The following FARP2 variants were observed in gnomAD, a reference collection of about 807,000 sequenced individuals.
The protein encoded by FARP2 is FERM, ARH/RhoGEF and pleckstrin domain protein 2.
FARP2 carries 111 observed loss-of-function variants against 130.5 expected under a neutral mutation model. The observed-to-expected ratio is 0.85, with a 90% CI of 0.73 to 1.00. The LOEUF is 1.00. FARP2 is among the 50% of genes least tolerant of loss of function. The pLI, the probability that FARP2 is intolerant of heterozygous loss-of-function variation, is 0.00. For missense variants in FARP2, 1,385 were observed against 1,346.3 expected, an observed-to-expected ratio of 1.03 and a Z score of -0.45; for synonymous variants, 504 against 516.9, an observed-to-expected ratio of 0.98 and a Z score of 0.34.
rs534611220 is a variant in FARP2 at position 241,441,316 on chromosome 2, C to T, written c.1171C>T (p.Pro391Ser). The change falls in exon 13 of 27, where the codon CCC becomes TCC. Residue 391 changes from proline (P) to serine (S), a missense_variant. Pro to Ser is a moderately conservative substitution (Grantham distance 74). Coordinates refer to ENST00000264042, the MANE Select transcript of FARP2 (RefSeq NM_014808.4). ...CTTTGGTTCCCAGAGCATCTCATTC[C>T]CCGAGGGATTGAGGACTCCTGCCTC... ...ADLPKQSISF[P>S]EGLRTPASPS... 2.5e-6 allele frequency: 4 copies of T among 1,594,884 alleles called. No individual in the cohort carries two copies. The highest frequency in any genetic ancestry group is 2.2e-5 in the South Asian group (2 of 89,570).
At chr2:241,389,589 T>A (rs1410197518) in intron 2 of FARP2, among the ~76,000 whole-genome samples, 1 of 152,196 alleles carries the variant, frequency 6.6e-6, no homozygotes, top group Non-Finnish European at 1.5e-5. Flanking sequence ...CAACCCAATT[T>A]AAAATCTTAC....
chr2:241,415,410 G>C (rs557843628), intron 7 of FARP2, among the ~76,000 whole-genome samples: 1 of 152,194 alleles, frequency 6.6e-6, no homozygotes, highest in Non-Finnish European at 1.5e-5. Flanking sequence ...TAGGGTTGGG[G>C]ATAGTCTCTC....
intron 1 of FARP2, among the ~76,000 whole-genome samples, chr2:241,362,127 C>T (rs998926919): frequency 6.6e-6 from 1 of 151,968 alleles, no homozygotes; most frequent in African/African-American, 2.4e-5. Flanking sequence ...AAACTCCTGA[C>T]CTCAAGTAAA....
intron 2 of FARP2, among the ~76,000 whole-genome samples, chr2:241,381,918 A>G (rs934733738): frequency 2.0e-5 from 3 of 152,210 alleles, no homozygotes; most frequent in Non-Finnish European, 4.4e-5. Context: ...ATTGGGTTAC[A>G]TGCTGCAGCT....
Position 241,475,780 on chromosome 2 carries a change from C to T in FARP2, c.2132-77C>T. On this transcript the variant is annotated intron_variant, in intron 18 of 26. Coordinates refer to ENST00000264042, the MANE Select transcript of FARP2 (RefSeq NM_014808.4). The surrounding 1 kb of genome is among the most constrained non-coding windows in gnomAD (Gnocchi z 4.4). ...GAACTGCCTTTTAGAATGCTGGTTC[C>T]TGTCACAAGGTGGTGGGTGGAGGGT... 1 of 1,318,422 alleles carries T rather than the reference C, an allele frequency of 7.6e-7. No individual in the cohort carries two copies. The highest frequency in any genetic ancestry group is 1.0e-6 in the Non-Finnish European group (1 of 994,218). The allele number at this position is 1,318,422 out of a possible 1,614,324, so 81.7% of individuals were successfully genotyped here.
At chr2:241,409,708 A>G (rs866099972) in intron 5 of FARP2, among the ~76,000 whole-genome samples, 1 of 152,250 alleles carries the variant, frequency 6.6e-6, no homozygotes, top group Non-Finnish European at 1.5e-5. Flanking sequence ...TTATAAAACA[A>G]TATCAAATGA....
At chr2:241,409,195 G>C (rs575199557) in intron 5 of FARP2, among the ~76,000 whole-genome samples, 1 of 149,230 alleles carries the variant, frequency 6.7e-6, no homozygotes, top group East Asian at 2.0e-4. Flanking sequence ...TATTTATGTG[G>C]AGGATTCTTT....
intron 1 of FARP2, among the ~76,000 whole-genome samples, chr2:241,366,127 A>ATATATATATACATATATATATATACG (rs2061312727): frequency 1.5e-5 from 2 of 136,482 alleles, no homozygotes; most frequent in African/African-American, 2.8e-5. Flanking sequence ...ATATACGTAT[A>ATATATATATACATATATATATATACG]TATATATATA....
At chr2:241,376,426 A>G (rs954004466) in intron 2 of FARP2, among the ~76,000 whole-genome samples, 1 of 152,234 alleles carries the variant, frequency 6.6e-6, no homozygotes, top group Non-Finnish European at 1.5e-5. Flanking sequence ...AAATATTGCC[A>G]GTGTACCAGG....
chr2:241,375,943 C>G (rs541511034), intron 2 of FARP2, among the ~76,000 whole-genome samples: 1 of 152,092 alleles, frequency 6.6e-6, no homozygotes, highest in African/African-American at 2.4e-5. Context: ...TTAGGGAGAG[C>G]TAAAATTCAA....
chr2:241,452,423 A>C (rs572695326), intron 13 of FARP2, among the ~76,000 whole-genome samples: 1 of 152,276 alleles, frequency 6.6e-6, no homozygotes, highest in Non-Finnish European at 1.5e-5. Flanking sequence ...AAGTCTCCCC[A>C]CAGATTTACT....
At position 241,413,331 on chromosome 2, in the gene FARP2, C is replaced by T. The variant is rs201790803; in HGVS notation, c.533C>T (p.Thr178Met). The change falls in exon 7 of 27, where the codon ACG becomes ATG. Residue 178 changes from threonine (T) to methionine (M), a missense_variant. By Grantham distance (81) the Thr-to-Met change is moderately conservative. Transcript: ENST00000264042. ...GCGGAAATAGGAGATTACGATGAAA[C>T]GCTGGACCGAGAGCACCTCAAAGTG... is the stretch of plus-strand genomic sequence containing the variant. Reference protein sequence around the residue: ...LQSEIGDYDETLDREHLKVNE... With the variant: ...LQSEIGDYDEMLDREHLKVNE... The T allele has an allele frequency of 4.2e-5, 67 of 1,610,178 alleles. No individual in the cohort carries two copies. Among genetic ancestry groups the T allele is most frequent in the Non-Finnish European group, 5.4e-5 (64 of 1,178,408 alleles).
intron 4 of FARP2, among the ~76,000 whole-genome samples, chr2:241,407,056 C>G (rs60890112): frequency 0.32 from 48,942 of 152,030 alleles, 8,273 homozygotes; most frequent in Non-Finnish European, 0.39. Flanking sequence ...GATCCGCCCC[C>G]CTCAGCCTCC....
intron 26 of FARP2, chr2:241,493,718 CTGAG>C (rs2065020172): frequency 3.8e-6 from 2 of 519,590 alleles, no homozygotes; most frequent in South Asian, 5.3e-5. Flanking sequence ...CCTCAGCCTC[CTGAG>C]TAACTGAGAT....
chr2:241,385,077 A>G (rs1559719583), intron 2 of FARP2, among the ~76,000 whole-genome samples: 1 of 152,242 alleles, frequency 6.6e-6, no homozygotes, highest in Non-Finnish European at 1.5e-5. Context: ...AAGCAAAAAC[A>G]ACCATCTTGC....
chr2:241,479,039 G>A (rs2064547625), intron 19 of FARP2: 1 of 539,758 alleles, frequency 1.9e-6, no homozygotes, highest in African/African-American at 2.0e-5. Flanking sequence ...TCTTTCCCAA[G>A]ATGCAATGAA....
chr2:241,483,617 GC>G lies in FARP2; in HGVS notation c.2331+87del. ...GTTAGGGACATCGCCTGCAGCGGCA[GC>G]CCATTGGCCTCTGGGTAGTTTAGCA... is the stretch of plus-strand genomic sequence containing the variant. On this transcript the variant is annotated intron_variant, in intron 20 of 26. Coordinates refer to ENST00000264042, the MANE Select transcript of FARP2 (RefSeq NM_014808.4). 2.1e-6 allele frequency: 3 copies of G among 1,432,962 alleles called. No homozygotes were observed. In the African/African-American group the frequency reaches 4.2e-5, roughly 20 times the overall value. 88.8% of individuals were successfully genotyped at this position (1,432,962 alleles called of 1,614,324 possible). A position where few individuals can be genotyped will look rare whatever the true frequency, so the allele number is the denominator to read the frequency against.
chr2:241,385,950 CTT>C (rs902665810), intron 2 of FARP2, among the ~76,000 whole-genome samples: 3 of 152,160 alleles, frequency 2.0e-5, no homozygotes, highest in African/African-American at 7.2e-5. Context: ...GTATTTCTCT[CTT>C]TACCTCCTGT....
chr2:241,377,499 G>A (rs1013559558), intron 2 of FARP2, among the ~76,000 whole-genome samples: 3 of 151,964 alleles, frequency 2.0e-5, no homozygotes, highest in Non-Finnish European at 4.4e-5. Context: ...CCGCCACCGC[G>A]CCTGGCTAAT....
Sources: gnomAD v4.1 joint callset for allele counts (sites outside exome capture counted in the v4.1 genomes callset) on GRCh38, gnomAD v4.1.1 for gene constraint, Gnocchi (gnomAD v3.1) non-coding constraint, MANE v1.5 for transcripts, NCBI Gene and HGNC (gene_info 2026-07-23, HGNC 2026-07-21) for gene names.